PTPRD: variants seen among roughly 807,000 people sequenced by gnomAD.
The protein encoded by PTPRD is receptor-type tyrosine-protein phosphatase delta.
A neutral mutation model predicts 214.5 loss-of-function variants in PTPRD; 34 were observed. The observed-to-expected ratio is 0.16, with a 90% confidence interval of 0.12 to 0.21. PTPRD has a LOEUF of 0.21. Ranked by LOEUF, PTPRD falls within the 10% of genes least tolerant of loss-of-function variation. The probability of loss-of-function intolerance (pLI) is 1.00; values close to 1 mark genes in which losing one functional copy is unlikely to be tolerated. For missense variants in PTPRD, 2,545 were observed against 2,398.7 expected (o/e 1.06, Z -1.27); for synonymous variants, 1,128 against 845.7 (o/e 1.33, Z -5.79).
chr9:8,902,550 G>A (rs925745903), intron 11 of PTPRD, among the ~76,000 whole-genome samples: 1 of 151,832 alleles, frequency 6.6e-6, no homozygotes, highest in Admixed American at 6.6e-5. Context: ...TCATCATGTT[G>A]GCCAGGCTGG....
At chr9:10,247,571 T>C (rs60147744) in intron 3 of PTPRD, among the ~76,000 whole-genome samples, 4,528 of 152,308 alleles carry the variant, frequency 0.03, 212 homozygotes, top group African/African-American at 0.1. Context: ...TTATAGTTGC[T>C]GTCACATTTG....
chr9:8,893,819 A>G (rs1024743591), intron 11 of PTPRD, among the ~76,000 whole-genome samples: 1 of 152,178 alleles, frequency 6.6e-6, no homozygotes, highest in Non-Finnish European at 1.5e-5. Context: ...CATTTATGAC[A>G]CAATGTTGAG....
At chr9:8,911,457 CAAAG>C (rs781060412) in intron 11 of PTPRD, among the ~76,000 whole-genome samples, 28 of 136,388 alleles carry the variant, frequency 2.1e-4, no homozygotes, top group Admixed American at 9.8e-4. Flanking sequence ...GAGAGAGAGA[CAAAG>C]AGAGAATGAA....
intron 14 of PTPRD, among the ~76,000 whole-genome samples, chr9:8,600,942 G>T (rs1001170708): frequency 2.0e-5 from 3 of 152,012 alleles, no homozygotes; most frequent in Non-Finnish European, 4.4e-5. Context: ...CCATAGTGGG[G>T]TAAAGCACCA....
chr9:8,402,086 C>A (rs1400181497), intron 36 of PTPRD, among the ~76,000 whole-genome samples: 1 of 152,130 alleles, frequency 6.6e-6, no homozygotes, highest in African/African-American at 2.4e-5. Context: ...CTCAAGAATA[C>A]CTGCTGGTTA....
intron 12 of PTPRD, among the ~76,000 whole-genome samples, chr9:8,642,913 A>G (rs890164633): frequency 1.3e-5 from 2 of 152,160 alleles, no homozygotes; most frequent in African/African-American, 4.8e-5. Context: ...GGAGGTCCCA[A>G]AGTTGATGTA....
At chr9:8,321,483 G>GTATATATA (rs1283435570) in intron 44 of PTPRD, among the ~76,000 whole-genome samples, 1 of 48,786 alleles carries the variant, frequency 2.0e-5, no homozygotes, top group African/African-American at 1.3e-4. Context: ...GTGTGTGTGT[G>GTATATATA]TGTGTATATA....
chr9:8,457,101 A>T (rs1462593837), intron 33 of PTPRD, among the ~76,000 whole-genome samples: 1 of 152,124 alleles, frequency 6.6e-6, no homozygotes, highest in East Asian at 1.9e-4. Context: ...TCTGGTGTTT[A>T]ATGTTTTCAG....
intron 35 of PTPRD, among the ~76,000 whole-genome samples, chr9:8,406,341 T>C (rs564469334): frequency 5.8e-4 from 89 of 152,284 alleles, no homozygotes; most frequent in African/African-American, 2.0e-3. Flanking sequence ...GCCTTAAAAA[T>C]CTCTCAAATT....
chr9:10,350,340 T>C (rs771972418), intron 2 of PTPRD, among the ~76,000 whole-genome samples: 10 of 152,136 alleles, frequency 6.6e-5, no homozygotes, highest in African/African-American at 1.9e-4. Flanking sequence ...TCTAAACAAT[T>C]CTGTTATCTA....
intron 24 of PTPRD, among the ~76,000 whole-genome samples, 196 bp downstream of exon 24, chr9:8,500,558 G>GAAAAAAA (rs146807692): frequency 0.017 from 244 of 14,322 alleles, 89 homozygotes; most frequent in African/African-American, 0.045. Context: ...TGAAAAAAAT[G>GAAAAAAA]AAAAAAAAAA....
intron 9 of PTPRD, among the ~76,000 whole-genome samples, chr9:9,219,418 T>TAA (rs33960598): frequency 5.6e-4 from 84 of 150,676 alleles, no homozygotes; most frequent in Admixed American, 1.8e-3. Flanking sequence ...CTTATTAAAT[T>TAA]AAAAAAAAAA....
chr9:9,688,356 G>T (rs752641210), intron 7 of PTPRD, among the ~76,000 whole-genome samples: 1 of 151,834 alleles, frequency 6.6e-6, no homozygotes, highest in Admixed American at 6.6e-5. Flanking sequence ...TTATTTGTTT[G>T]TTTGGTGTTT....
At chr9:8,396,716 T>C (rs191518775) in intron 36 of PTPRD, among the ~76,000 whole-genome samples, 2 of 152,182 alleles carry the variant, frequency 1.3e-5, no homozygotes, top group Admixed American at 6.5e-5. Context: ...AGGTAGGAGC[T>C]AGGGAATAAC....
chr9:10,076,928 T>G (rs1291069046), intron 3 of PTPRD, among the ~76,000 whole-genome samples: 2 of 152,138 alleles, frequency 1.3e-5, no homozygotes, highest in Non-Finnish European at 1.5e-5. Context: ...CCAATGATTC[T>G]TTCATTGCTT....
chr9:9,231,887 G>T (rs765947670), intron 9 of PTPRD, among the ~76,000 whole-genome samples: 8 of 151,932 alleles, frequency 5.3e-5, no homozygotes, highest in Admixed American at 3.9e-4. Context: ...TCCTTTTTCT[G>T]ATAATCAGGC....
chr9:9,093,030 CA>C (rs1218512689), intron 10 of PTPRD, among the ~76,000 whole-genome samples: 1 of 151,698 alleles, frequency 6.6e-6, no homozygotes, highest in Non-Finnish European at 1.5e-5. Flanking sequence ...AAACACCAAT[CA>C]AAAAAAGCAG....
intron 12 of PTPRD, among the ~76,000 whole-genome samples, chr9:8,724,715 C>G (rs1305977242): frequency 6.6e-6 from 1 of 151,914 alleles, no homozygotes; most frequent in Non-Finnish European, 1.5e-5. Flanking sequence ...GGGTGGAGAG[C>G]TTGAGCCCAG....
At chr9:9,038,862 C>G (rs1023993980) in intron 10 of PTPRD, among the ~76,000 whole-genome samples, 29 of 152,086 alleles carry the variant, frequency 1.9e-4, no homozygotes, top group African/African-American at 6.7e-4. Context: ...CAGCAGATAA[C>G]TATTTTTTTT....
Sources: gnomAD v4.1 joint callset for allele counts (sites outside exome capture counted in the v4.1 genomes callset) on GRCh38, gnomAD v4.1.1 for gene constraint, MANE v1.5 for transcripts, NCBI Gene and HGNC (gene_info 2026-07-23, HGNC 2026-07-21) for gene names.